Variants in IQCH observed in about 807,000 individuals in gnomAD.
IQCH encodes IQ motif containing H, also known as IQ domain-containing protein H.
Under a neutral mutation model 117.0 loss-of-function variants are expected in IQCH, and 98 were observed. That is an observed-to-expected ratio of 0.84 (90% CI 0.71 to 0.99). IQCH has a LOEUF of 0.99. IQCH is among the 50% of genes least tolerant of loss of function. The probability of loss-of-function intolerance (pLI) is 0.00; values close to 1 mark genes in which losing one functional copy is unlikely to be tolerated. For synonymous variants in IQCH, 412 were observed against 448.2 expected (o/e 0.92, Z 1.02); for missense variants, 1,102 against 1,243.8 (o/e 0.89, Z 1.72).
chr15:67,391,503 C>T lies in IQCH; in HGVS notation c.1632+2497C>T, dbSNP rs1167532148. On this transcript the variant is annotated intron_variant, in intron 12 of 20. Coordinates refer to ENST00000335894, the MANE Select transcript of IQCH (RefSeq NM_001031715.3). This position sits in a 1 kb window ranked among gnomAD's most constrained non-coding sequence, Gnocchi z 4.3. ...CTTGAATTTGTAATGGTAAAATGTG[C>T]TCTTTATAAAAGTCATTATGTCTAT... Among the ~76,000 whole-genome samples the T allele has an allele frequency of 6.6e-6, 1 of 152,064 alleles. No individual in the cohort carries two copies. The highest frequency in any genetic ancestry group is 2.4e-5 in the African/African-American group (1 of 41,416).
intron 3 of IQCH, among the ~76,000 whole-genome samples, chr15:67,266,853 G>A (rs780697201): frequency 6.6e-6 from 1 of 152,278 alleles, no homozygotes; most frequent in Non-Finnish European, 1.5e-5. Context: ...AAAAGCTCAT[G>A]CTAAGAGTAA....
intron 18 of IQCH, among the ~76,000 whole-genome samples, chr15:67,487,471 A>G (rs1436557932): frequency 2.0e-5 from 3 of 151,764 alleles, no homozygotes; most frequent in South Asian, 2.1e-4. Context: ...CCTCATTAAT[A>G]TAAGTAATAT....
rs762775024 is a variant in IQCH, at chr15:67,254,885, C to G, written c.-12C>G. On this transcript the variant is annotated 5_prime_UTR_variant, in exon 1 of 21. Coordinates refer to ENST00000335894, the MANE Select transcript of IQCH (RefSeq NM_001031715.3). ...CGCGCCTCCGCGGAGGTAGCCGTTC[C>G]CTGACCTAGCCATGGCACAGAACAC... 4 of 1,613,394 alleles carry G rather than the reference C, an allele frequency of 2.5e-6. No individual in the cohort carries two copies. In the South Asian group the frequency reaches 4.4e-5, roughly 18 times the overall value.
intron 5 of IQCH, among the ~76,000 whole-genome samples, chr15:67,341,039 G>C (rs1005790972): frequency 6.6e-6 from 1 of 151,914 alleles, no homozygotes; most frequent in Non-Finnish European, 1.5e-5. Flanking sequence ...TGGCAAAACC[G>C]CAACCCCGAC....
At position 67,417,084 on chromosome 15, in the gene IQCH, T is replaced by G. The variant is rs768675652; in HGVS notation, c.2218+33T>G. On this transcript the variant is annotated intron_variant, in intron 15 of 20. Transcript: ENST00000335894. The surrounding 1 kb of genome is among the most constrained non-coding windows in gnomAD (Gnocchi z 4.3). Reference sequence around the variant, plus strand: ...AGACTGTAAAGTTTCTATTGAGGATTAGTCTACACAACCTTGGATTCTAGT... The same window carrying G: ...AGACTGTAAAGTTTCTATTGAGGATGAGTCTACACAACCTTGGATTCTAGT... 10 of 1,571,914 alleles carry G rather than the reference T, an allele frequency of 6.4e-6. No individual in the cohort carries two copies. Among genetic ancestry groups the G allele is most frequent in the Non-Finnish European group, 2.6e-6 (3 of 1,159,206 alleles).
chr15:67,437,845 CA>C (rs2082174925), intron 16 of IQCH, among the ~76,000 whole-genome samples: 1 of 151,566 alleles, frequency 6.6e-6, no homozygotes, highest in African/African-American at 2.4e-5. Context: ...CTGACAAAGA[CA>C]AAGAAAAAAG....
intron 16 of IQCH, among the ~76,000 whole-genome samples, chr15:67,441,814 G>C (rs2033702486): frequency 1.3e-5 from 2 of 152,114 alleles, no homozygotes; most frequent in African/African-American, 4.8e-5. Context: ...ACCCCTTCTA[G>C]ACATTGGCTT....
intron 6 of IQCH, among the ~76,000 whole-genome samples, chr15:67,348,580 G>A (rs1026826060): frequency 6.6e-6 from 1 of 152,180 alleles, no homozygotes; most frequent in Non-Finnish European, 1.5e-5. Context: ...ACCTATGGAT[G>A]CTGGATGCTA....
chr15:67,368,481 T>C (rs1970411715), intron 8 of IQCH, among the ~76,000 whole-genome samples: 2 of 152,214 alleles, frequency 1.3e-5, no homozygotes, highest in African/African-American at 4.8e-5. Flanking sequence ...AAGGACTCCA[T>C]CTCTGAGGGA....
chr15:67,371,641 A>G, intron 8 of IQCH: 2 of 699,842 alleles, frequency 2.9e-6, no homozygotes, highest in South Asian at 2.1e-5. Context: ...TTATGAAGTC[A>G]GAAACAATTT....
intron 10 of IQCH, among the ~76,000 whole-genome samples, chr15:67,375,015 A>G (rs1036060983): frequency 2.0e-5 from 3 of 152,174 alleles, no homozygotes; most frequent in Non-Finnish European, 4.4e-5. Flanking sequence ...CCCACCTCTG[A>G]CCCTCCTAAA....
In IQCH at chr15:67,421,413, C is replaced by T. The variant is rs1391833280; in HGVS notation, c.2341C>T (p.Pro781Ser). 1.9e-6 allele frequency: 3 copies of T among 1,614,128 alleles called. No homozygotes were observed. The highest frequency in any genetic ancestry group is 2.5e-6 in the Non-Finnish European group (3 of 1,180,006). ...AGGGGACCAGCTTCATGCTGAAAGC[C>T]CCTTCATCTCCTCTGGTACCACCGT... ...STGDQLHAES[P>S]FISSGTTVPQ... The change falls in exon 16 of 21, where the codon CCC becomes TCC. Residue 781 changes from proline (P) to serine (S), a missense_variant. Around this residue, in one of 2 missense-constraint regions of IQCH, gnomAD observed 650 missense variants for 794.3 expected, o/e 0.82. Coordinates refer to ENST00000335894, the MANE Select transcript of IQCH (RefSeq NM_001031715.3).
intron 12 of IQCH, among the ~76,000 whole-genome samples, chr15:67,389,987 G>T (rs937212834): frequency 2.6e-5 from 4 of 152,006 alleles, no homozygotes; most frequent in Non-Finnish European, 4.4e-5. Context: ...TGTTGTCAGG[G>T]TTTATTCTTT....
At position 67,422,024 on chromosome 15, in the gene IQCH, G is replaced by C. The variant is rs866994987; in HGVS notation, c.2505+447G>C. On this transcript the variant is annotated intron_variant, in intron 16 of 20. Transcript: ENST00000335894. This position sits in a 1 kb window ranked among gnomAD's most constrained non-coding sequence, Gnocchi z 4.7. ...TGAGGCAGGAGAATCACTTGAACCCGGGAGGCAGAGGTTGCAATGAGCCGA... is the reference window on the plus strand; with the variant it reads ...TGAGGCAGGAGAATCACTTGAACCCCGGAGGCAGAGGTTGCAATGAGCCGA... Among the ~76,000 whole-genome samples the C allele has an allele frequency of 6.6e-6, 1 of 151,824 alleles. No individual in the cohort carries two copies. Among genetic ancestry groups the C allele is most frequent in the African/African-American group, 2.4e-5 (1 of 41,292 alleles).
intron 8 of IQCH, among the ~76,000 whole-genome samples, chr15:67,363,344 TCCTGCCTCAG>T (rs2140759222): frequency 6.6e-6 from 1 of 151,254 alleles, no homozygotes; most frequent in Non-Finnish European, 1.5e-5. Flanking sequence ...CAAGCGATTC[TCCTGCCTCAG>T]CCTCCCAAGT....
chr15:67,446,498 C>A (rs567076375), intron 16 of IQCH, among the ~76,000 whole-genome samples: 1 of 152,170 alleles, frequency 6.6e-6, no homozygotes, highest in South Asian at 2.1e-4. Flanking sequence ...GAAAATGAAC[C>A]CAGGGACAAA....
At chr15:67,315,153 G>C (rs1035080040) in intron 4 of IQCH, among the ~76,000 whole-genome samples, 1 of 152,176 alleles carries the variant, frequency 6.6e-6, no homozygotes, top group Non-Finnish European at 1.5e-5. Flanking sequence ...ATTCTGAGGA[G>C]AGCTATCATG....
At chr15:67,455,361 G>A (rs2082635118) in intron 16 of IQCH, among the ~76,000 whole-genome samples, 1 of 152,164 alleles carries the variant, frequency 6.6e-6, no homozygotes, top group Non-Finnish European at 1.5e-5. Context: ...CTCTACTCCT[G>A]ACCAAGTCTC....
At chr15:67,392,667 C>T (rs960895240) in intron 12 of IQCH, among the ~76,000 whole-genome samples, 2 of 150,738 alleles carry the variant, frequency 1.3e-5, no homozygotes, top group African/African-American at 4.9e-5. Flanking sequence ...GTCCCAGCTG[C>T]TTGAGGGGCT....
Sources: gnomAD v4.1 joint callset for allele counts (sites outside exome capture counted in the v4.1 genomes callset) on GRCh38, gnomAD v4.1.1 for gene constraint, gnomAD v4.1.1 regional missense constraint, Gnocchi (gnomAD v3.1) non-coding constraint, MANE v1.5 for transcripts, NCBI Gene and HGNC (gene_info 2026-07-23, HGNC 2026-07-21) for gene names.